DLG3: variants seen among roughly 807,000 people sequenced by gnomAD.
The protein encoded by DLG3 is discs large MAGUK scaffold protein 3, also known as disks large homolog 3.
Under a neutral mutation model 64.1 loss-of-function variants are expected in DLG3, and 1 was observed. That is an observed-to-expected ratio of 0.02 (90% confidence interval 0.01 to 0.07). The LOEUF (loss-of-function observed/expected upper bound fraction) is 0.07, where lower values mean the gene tolerates loss of function less well. Among genes scored for constraint, DLG3 ranks in the 10% least tolerant of loss-of-function variants. DLG3 has a pLI of 1.00. For missense variants in DLG3, 429 were observed against 669.5 expected (o/e 0.64, Z 3.96); for synonymous variants, 245 against 259.8 (o/e 0.94, Z 0.55).
At chrX:70,457,902 G>A (rs747993441) in intron 9 of DLG3, among the ~76,000 whole-genome samples, 1 of 107,495 alleles carries the variant, frequency 9.3e-6, no homozygotes, top group Admixed American at 1.0e-4. Context: ...GTGAGACAGT[G>A]TCAGGCTCTG....
intron 9 of DLG3, among the ~76,000 whole-genome samples, chrX:70,476,972 C>G (rs2087064343): frequency 8.9e-6 from 1 of 112,950 alleles, no homozygotes; most frequent in Admixed American, 9.3e-5. Flanking sequence ...TTTAGCAGCA[C>G]ATGTAAAAAC....
At chrX:70,446,945 T>C (rs931952299) in intron 1 of DLG3, among the ~76,000 whole-genome samples, 3 of 112,392 alleles carry the variant, frequency 2.7e-5, no homozygotes, top group Non-Finnish European at 5.6e-5. Context: ...GAGCCCTCAG[T>C]TCTGGCCTTC....
At chrX:70,487,139 G>T in intron 10 of DLG3, among the ~76,000 whole-genome samples, 1 of 112,098 alleles carries the variant, frequency 8.9e-6, no homozygotes, top group African/African-American at 3.2e-5. Context: ...TCTTTTACTG[G>T]TTTTATTTCC....
Position 70,482,375 on chromosome X carries a change from A to T in DLG3, c.1520+3111A>T, listed in dbSNP as rs6625616. Among the ~76,000 whole-genome samples the T allele has an allele frequency of 6.2e-5, 7 of 112,176 alleles. No homozygotes were observed. In the East Asian group the frequency reaches 1.7e-3, roughly 27 times the overall value. The stretch of plus-strand genomic sequence containing the variant: ...TTTAGGGAACACATTGTTCATCAAG[A>T]CCTTTGTTATTCTCTTTAAATGGCT... On this transcript the variant is annotated intron_variant, in intron 10 of 18. Coordinates refer to ENST00000374360, the MANE Select transcript of DLG3 (RefSeq NM_021120.4).
Position 70,449,344 on chromosome X carries a change from C to T in DLG3, c.409-15C>T, listed in dbSNP as rs1321975404. On this transcript the variant is annotated splice_polypyrimidine_tract_variant and intron_variant, in intron 2 of 18. Coordinates refer to ENST00000374360, the MANE Select transcript of DLG3 (RefSeq NM_021120.4). ...TCAGAGTGAACAGACTGTGCCTTTC[C>T]ACCCACTTCTGCAGGGCAACTCTGG... is the stretch of plus-strand genomic sequence containing the variant. 8.3e-7 allele frequency: 1 copy of T among 1,211,513 alleles called. No homozygotes were observed.
At chrX:70,454,187 T>C (rs2086661601) in intron 8 of DLG3, 27 bp from the exon 9 acceptor site, 1 of 1,188,572 alleles carries the variant, frequency 8.4e-7, no homozygotes, top group Non-Finnish European at 1.1e-6. Flanking sequence ...GCTTTTGGGG[T>C]GGCTCACAGC....
intron 17 of DLG3, 46 bp downstream of exon 17, chrX:70,500,626 T>C (rs754243763): frequency 9.9e-7 from 1 of 1,014,098 alleles, no homozygotes; most frequent in East Asian, 3.0e-5. Flanking sequence ...TAAGATCGGG[T>C]CTGGAAGGGA....
intron 9 of DLG3, 180 bp from the exon 10 acceptor site, chrX:70,478,970 G>A (rs905499079): frequency 3.6e-5 from 16 of 443,013 alleles, no homozygotes; most frequent in Non-Finnish European, 5.5e-5. Context: ...GGGTTGAAGG[G>A]AAGTCTGTCT....
At chrX:70,493,838 A>G (rs1202253445) in intron 12 of DLG3, among the ~76,000 whole-genome samples, 2 of 112,530 alleles carry the variant, frequency 1.8e-5, no homozygotes, top group African/African-American at 6.5e-5. Flanking sequence ...TGGTTTTTCA[A>G]GAGAACAAGG....
intron 9 of DLG3, among the ~76,000 whole-genome samples, chrX:70,473,157 CAA>C (rs59440260): frequency 1.7e-3 from 73 of 42,133 alleles, no homozygotes; most frequent in Admixed American, 3.4e-3. Flanking sequence ...AACTCCGTCT[CAA>C]AAAAAAAAAA....
chrX:70,476,102 A>G (rs951218925), intron 9 of DLG3, among the ~76,000 whole-genome samples: 1 of 111,634 alleles, frequency 9.0e-6, no homozygotes, highest in African/African-American at 3.3e-5. Context: ...CTTGTCAGTG[A>G]CTGGGGCAAA....
chrX:70,480,380 C>T (rs2087131383), intron 10 of DLG3, among the ~76,000 whole-genome samples: 1 of 111,600 alleles, frequency 9.0e-6, no homozygotes, highest in Non-Finnish European at 1.9e-5. Flanking sequence ...GTCCCTGACT[C>T]TACCGCAGGG....
chrX:70,482,732 G>A (rs1034823328), intron 10 of DLG3, among the ~76,000 whole-genome samples: 9 of 98,158 alleles, frequency 9.2e-5, no homozygotes, highest in South Asian at 5.3e-4. Flanking sequence ...GTGCAGTGGC[G>A]CGATATAGGC....
chrX:70,499,358 G>A, intron 15 of DLG3, 81 bp downstream of exon 15: 3 of 763,663 alleles, frequency 3.9e-6, no homozygotes, highest in South Asian at 4.3e-5. Flanking sequence ...AAAAGGTCTG[G>A]GATCAGATTC....
chrX:70,450,727 C>T lies in DLG3; in HGVS notation c.929C>T (p.Ala310Val). 8.3e-7 allele frequency: 1 copy of T among 1,211,453 alleles called. No individual in the cohort carries two copies. Among genetic ancestry groups the T allele is most frequent in the Admixed American group, 2.2e-5 (1 of 46,001 alleles). Residue 310 changes from alanine to valine, a missense_variant, in exon 6 of 19, where the codon GCC becomes GTC. This residue lies in a region of DLG3 where 73 missense variants were observed against 158.5 expected (regional missense o/e 0.46). Transcript: ENST00000374360. ...TCTGATATGGTGTATTTGAAGGTGG[C>T]CAAGCCAGGCAGCCTCCACCTCAAC... is the stretch of plus-strand genomic sequence containing the variant. ...NTSDMVYLKV[A>V]KPGSLHLNDM... is the part of the protein sequence containing the mutation.
rs777880846 is a variant in DLG3, at chrX:70,445,201, C to T, written c.-1C>T. ...GGGTCCGAGCCGCGGGGGGCAGTGC[C>T]ATGCACAAGCACCAGCACTGCTGTA... is the stretch of plus-strand genomic sequence containing the variant. On this transcript the variant is annotated 5_prime_UTR_variant, in exon 1 of 19. Coordinates refer to ENST00000374360, the MANE Select transcript of DLG3 (RefSeq NM_021120.4). The T allele has an allele frequency of 2.6e-6, 3 of 1,151,645 alleles. No individual in the cohort carries two copies. In the South Asian group the frequency reaches 5.7e-5, roughly 22 times the overall value. The allele number at this position is 1,151,645 out of a possible 1,213,427, so 94.9% of individuals were successfully genotyped here. A position where few individuals can be genotyped will look rare whatever the true frequency, so the allele number is the denominator to read the frequency against.
At chrX:70,455,043 C>A in intron 9 of DLG3, 10 of 753,537 alleles carry the variant, frequency 1.3e-5, no homozygotes, top group Non-Finnish European at 1.6e-5. Flanking sequence ...GGCCTCCAGC[C>A]GCATGCCCCG....
chrX:70,477,847 T>TA (rs2087083016), intron 9 of DLG3, among the ~76,000 whole-genome samples: 1 of 111,850 alleles, frequency 8.9e-6, no homozygotes, highest in African/African-American at 3.3e-5. Flanking sequence ...CAATTCCCCT[T>TA]ACACCCAGTT....
chrX:70,493,812 G>A (rs2087404566), intron 12 of DLG3, among the ~76,000 whole-genome samples: 1 of 112,768 alleles, frequency 8.9e-6, no homozygotes, highest in Non-Finnish European at 1.9e-5. Context: ...TAGCTAGACT[G>A]TCAGGGTCAG....
Sources: gnomAD v4.1 joint callset for allele counts (sites outside exome capture counted in the v4.1 genomes callset) on GRCh38, gnomAD v4.1.1 for gene constraint, gnomAD v4.1.1 regional missense constraint, MANE v1.5 for transcripts, NCBI Gene and HGNC (gene_info 2026-07-23, HGNC 2026-07-21) for gene names.